Variants in RARB observed in about 807,000 individuals in gnomAD.
RARB encodes HBV-activated protein.
In RARB, 17 loss-of-function variants were observed where a neutral mutation model predicts 51.9. The ratio of observed to expected loss-of-function variants is 0.33; its 90% CI spans 0.22 to 0.49. RARB has a LOEUF of 0.49. RARB is among the 20% of genes least tolerant of loss of function. RARB has a pLI of 0.99. For missense variants in RARB, 369 were observed against 550.8 expected (o/e 0.67, Z 3.30); for synonymous variants, 215 against 195.4 (o/e 1.10, Z -0.84).
At chr3:25,167,017 G>T (rs1700571643) in intron 4 of RARB, among the ~76,000 whole-genome samples, 1 of 152,176 alleles carries the variant, frequency 6.6e-6, no homozygotes, top group Non-Finnish European at 1.5e-5. Flanking sequence ...TTCAATTTCA[G>T]ATTGGTGCTG....
At chr3:25,373,854 T>C (rs1468317385) in intron 5 of RARB, among the ~76,000 whole-genome samples, 1 of 152,048 alleles carries the variant, frequency 6.6e-6, no homozygotes, top group Non-Finnish European at 1.5e-5. Context: ...ATCCAGGTAA[T>C]GGGGGACTAA....
intron 5 of RARB, among the ~76,000 whole-genome samples, chr3:25,286,315 C>G (rs954191339): frequency 2.0e-5 from 3 of 152,086 alleles, no homozygotes; most frequent in Non-Finnish European, 2.9e-5. Context: ...GTCTCGATCT[C>G]CTGACCTCGT....
intron 2 of RARB, among the ~76,000 whole-genome samples, chr3:24,898,367 T>C (rs1348778946): frequency 6.6e-6 from 1 of 150,528 alleles, no homozygotes; most frequent in East Asian, 1.9e-4. Flanking sequence ...AATAAAATGA[T>C]TTATATATAA....
At chr3:25,266,218 A>G (rs971915645) in intron 5 of RARB, among the ~76,000 whole-genome samples, 1 of 152,206 alleles carries the variant, frequency 6.6e-6, no homozygotes, top group African/African-American at 2.4e-5. Flanking sequence ...TCTGCCTAAC[A>G]CAATATTAGG....
intron 1 of RARB, among the ~76,000 whole-genome samples, chr3:25,441,697 C>A (rs1708694116): frequency 6.6e-6 from 1 of 152,148 alleles, no homozygotes; most frequent in Admixed American, 6.5e-5. Context: ...CTGCAAACAC[C>A]TGGATACCTA....
At chr3:25,481,968 A>G (rs1696244231) in intron 2 of RARB, among the ~76,000 whole-genome samples, 1 of 152,236 alleles carries the variant, frequency 6.6e-6, no homozygotes, top group Non-Finnish European at 1.5e-5. Context: ...GGTAAGGCAC[A>G]GAGAGGTTAT....
chr3:25,008,542 AG>A (rs1232488973), intron 2 of RARB, among the ~76,000 whole-genome samples: 1 of 152,110 alleles, frequency 6.6e-6, no homozygotes, highest in East Asian at 1.9e-4. Flanking sequence ...ATGCCTTGAC[AG>A]GGAAATTGGT....
At chr3:24,908,360 C>T (rs527590733) in intron 2 of RARB, among the ~76,000 whole-genome samples, 105 of 152,182 alleles carry the variant, frequency 6.9e-4, no homozygotes, top group Non-Finnish European at 1.0e-3. Context: ...CCAGTAGAAT[C>T]TACACTAGAA....
chr3:25,372,205 T>C (rs1047175925), intron 5 of RARB, among the ~76,000 whole-genome samples: 3 of 152,238 alleles, frequency 2.0e-5, no homozygotes, highest in Non-Finnish European at 4.4e-5. Context: ...ATGGTTGTCT[T>C]TCAGCCTTGG....
intron 1 of RARB, among the ~76,000 whole-genome samples, chr3:24,835,695 C>A (rs1702336328): frequency 6.6e-6 from 1 of 152,136 alleles, no homozygotes; most frequent in Non-Finnish European, 1.5e-5. Context: ...TAGTAGGGCA[C>A]CTCCCCAGTA....
intron 3 of RARB, among the ~76,000 whole-genome samples, chr3:25,089,951 G>A (rs899966545): frequency 6.6e-6 from 1 of 152,156 alleles, no homozygotes; most frequent in African/African-American, 2.4e-5. Flanking sequence ...GGGCCTTGGA[G>A]AGCAATCCCT....
At chr3:25,248,586 TTC>T (rs1372360329) in intron 5 of RARB, among the ~76,000 whole-genome samples, 2 of 152,180 alleles carry the variant, frequency 1.3e-5, no homozygotes, top group African/African-American at 4.8e-5. Flanking sequence ...ATCTTTTTGT[TTC>T]CAGGTGTAGG....
intron 5 of RARB, among the ~76,000 whole-genome samples, chr3:25,233,532 ATTTCTT>A (rs1702232504): frequency 6.6e-6 from 1 of 152,002 alleles, no homozygotes; most frequent in Non-Finnish European, 1.5e-5. Context: ...TATGTCTTTT[ATTTCTT>A]TTAATTACTT....
intron 2 of RARB, among the ~76,000 whole-genome samples, chr3:24,930,495 G>A (rs982512890): frequency 1.3e-5 from 2 of 152,006 alleles, no homozygotes; most frequent in African/African-American, 2.4e-5. Context: ...TTTGAATCTT[G>A]CTTGGTTGTA....
At chr3:25,105,071 A>G (rs867838207) in intron 3 of RARB, among the ~76,000 whole-genome samples, 1 of 152,238 alleles carries the variant, frequency 6.6e-6, no homozygotes, top group South Asian at 2.1e-4. Flanking sequence ...AAAATATTTT[A>G]AAAATTCTTG....
intron 1 of RARB, among the ~76,000 whole-genome samples, chr3:25,444,779 G>A (rs1323880420): frequency 6.6e-6 from 1 of 152,136 alleles, no homozygotes; most frequent in Non-Finnish European, 1.5e-5. Flanking sequence ...GCAAGTGATA[G>A]GCAGGTGGTA....
At chr3:24,919,686 T>C (rs1161215376) in intron 2 of RARB, among the ~76,000 whole-genome samples, 1 of 152,240 alleles carries the variant, frequency 6.6e-6, no homozygotes, top group African/African-American at 2.4e-5. Context: ...TTTTGAACAG[T>C]TGTTTAGGTA....
rs1575550213 is a variant in RARB at position 25,593,494 on chromosome 3, TCC to T, written c.787-8_787-7del. On this transcript the variant is annotated splice_polypyrimidine_tract_variant and splice_region_variant and intron_variant, in intron 5 of 7. Transcript: ENST00000330688. ...CTTAGAACATCCATCAATTTTTTTT[TCC>T]TTCCAGATTCTTAGAATTTGCACCA... 5.6e-6 allele frequency: 9 copies of T among 1,611,334 alleles called. No individual in the cohort carries two copies. In the Admixed American group the frequency reaches 8.3e-5, roughly 15 times the overall value.
intron 4 of RARB, among the ~76,000 whole-genome samples, chr3:25,171,091 T>C (rs1012481680): frequency 6.6e-6 from 1 of 152,120 alleles, no homozygotes; most frequent in African/African-American, 2.4e-5. Flanking sequence ...ACATAAAGCC[T>C]ACTTCTCTTC....
Sources: gnomAD v4.1 joint callset for allele counts (sites outside exome capture counted in the v4.1 genomes callset) on GRCh38, gnomAD v4.1.1 for gene constraint, MANE v1.5 for transcripts, NCBI Gene and HGNC (gene_info 2026-07-23, HGNC 2026-07-21) for gene names.